PUF60: variants seen among roughly 807,000 people sequenced by gnomAD.
PUF60 encodes poly(U)-binding-splicing factor PUF60.
A neutral mutation model predicts 61.8 loss-of-function variants in PUF60; 10 were observed. The observed-to-expected ratio is 0.16, with a 90% CI of 0.10 to 0.27. The LOEUF (loss-of-function observed/expected upper bound fraction) is 0.27. Ranked by LOEUF, PUF60 falls within the 10% of genes least tolerant of loss-of-function variation. PUF60 has a pLI of 1.00. For missense variants in PUF60, 371 were observed against 754.0 expected (o/e 0.49, Z 5.95); for synonymous variants, 353 against 300.9 (o/e 1.17, Z -1.79).
rs548774367 is a variant in PUF60 at position 143,818,987 on chromosome 8, A to G, written c.349-453T>C. 4.6e-5 allele frequency: 8 copies of G among 173,668 alleles called. No homozygotes were observed. In the South Asian group the frequency reaches 1.2e-3, roughly 26 times the overall value. 10.8% of individuals were successfully genotyped at this position (173,668 alleles called of 1,614,324 possible). On this transcript the variant is annotated intron_variant, in intron 5 of 11. Coordinates refer to ENST00000526683, the MANE Select transcript of PUF60 (RefSeq NM_078480.3). The surrounding 1 kb of genome is among the most constrained non-coding windows in gnomAD (Gnocchi z 7.9). The stretch of plus-strand genomic sequence containing the variant: ...TTTGGTGGCCAGAAGAGAGGAGGTC[A>G]GAAGACAGGGCAGCCACTGCCCAGA...
chr8:143,827,144 G>A (rs891126290), intron 1 of PUF60: 2 of 317,384 alleles, frequency 6.3e-6, no homozygotes, highest in Non-Finnish European at 1.2e-5. Flanking sequence ...CAAAATCAAA[G>A]ATGACTTCTG....
rs1438115492 is a variant in PUF60 at position 143,816,510 on chromosome 8, G to C, written c.*10C>G. 1 of 1,598,950 alleles carries C rather than the reference G, an allele frequency of 6.3e-7. No individual in the cohort carries two copies. The highest frequency in any genetic ancestry group is 2.2e-5 in the East Asian group (1 of 44,732). The stretch of plus-strand genomic sequence containing the variant: ...AGGAACAAGTGCAAGTCCGGGGAGA[G>C]GGACCACTGTCACGCAGAGAGGTCA... On this transcript the variant is annotated 3_prime_UTR_variant, in exon 12 of 12. Transcript: ENST00000526683.
In PUF60 at chr8:143,824,417, A is replaced by G. The variant is rs761792757; in HGVS notation, c.25-18T>C. 2 of 1,609,476 alleles carry G rather than the reference A, an allele frequency of 1.2e-6. No homozygotes were observed. Among genetic ancestry groups the G allele is most frequent in the Non-Finnish European group, 1.7e-6 (2 of 1,179,310 alleles). On this transcript the variant is annotated intron_variant, in intron 1 of 11. Coordinates refer to ENST00000526683, the MANE Select transcript of PUF60 (RefSeq NM_078480.3). ...TTGACCTGCTGCAGGCAGGAAGGAG[A>G]TGTTGTAACGACAGGCACACCACCC... is the stretch of plus-strand genomic sequence containing the variant.
intron 5 of PUF60, chr8:143,820,376 A>G (rs1816878690): frequency 3.8e-6 from 2 of 521,002 alleles, no homozygotes; most frequent in Non-Finnish European, 6.9e-6. Context: ...GCGTGGGCGC[A>G]GACGGGCCTG....
chr8:143,822,759 G>C, intron 2 of PUF60: 1 of 354,300 alleles, frequency 2.8e-6, no homozygotes, highest in Non-Finnish European at 5.7e-6. Context: ...ACGCAGCTGT[G>C]TGAGCAGGGA....
At position 143,818,691 on chromosome 8, in the gene PUF60, G is replaced by A. The variant is rs1816666611; in HGVS notation, c.349-157C>T. On this transcript the variant is annotated intron_variant, in intron 5 of 11. Coordinates refer to ENST00000526683, the MANE Select transcript of PUF60 (RefSeq NM_078480.3). The surrounding 1 kb of genome is among the most constrained non-coding windows in gnomAD (Gnocchi z 7.9). ...GGCTCCATCCCTGCAGTCATAGTGT[G>A]GGGGTCGCAGGACCCCGCCACCCAA... The A allele has an allele frequency of 1.3e-6, 1 of 791,550 alleles. No homozygotes were observed. The allele number at this position is 791,550 out of a possible 1,614,324, so 49.0% of individuals were successfully genotyped here.
intron 4 of PUF60, chr8:143,821,273 G>A (rs1044102387): frequency 1.6e-4 from 83 of 519,328 alleles, no homozygotes; most frequent in Non-Finnish European, 2.6e-4. Flanking sequence ...TGCCACCATC[G>A]GCTGTGCACA....
rs370613620 is a variant in PUF60, at chr8:143,818,064, G to T, written c.615C>A (p.Pro205=). 1.2e-6 allele frequency: 2 copies of T among 1,612,252 alleles called. No individual in the cohort carries two copies. Among genetic ancestry groups the T allele is most frequent in the African/African-American group, 2.7e-5 (2 of 74,920 alleles). The change falls in exon 8 of 12, where the codon CCC becomes CCA. Residue 205 remains proline (P), a synonymous_variant. Transcript: ENST00000526683. This position sits in a 1 kb window ranked among gnomAD's most constrained non-coding sequence, Gnocchi z 7.9. ...LGGRNIKVGR[P]SNIGQAQPII... ...TGGGCTGGGCCTGCCCTATGTTGCT[G>T]GGTCTGCCCACCTGGGGAAGAGGCG...
Position 143,817,284 on chromosome 8 carries a change from G to C in PUF60, c.1144+47C>G. On this transcript the variant is annotated intron_variant, in intron 10 of 11. Coordinates refer to ENST00000526683, the MANE Select transcript of PUF60 (RefSeq NM_078480.3). The surrounding 1 kb of genome is among the most constrained non-coding windows in gnomAD (Gnocchi z 7.4). ...GGCAGCTGAGGGCAGCGAGCCGAGA[G>C]ATGCCAGGACAGGAGAGGAGAGGAT... 1.3e-6 allele frequency: 2 copies of C among 1,562,334 alleles called. No homozygotes were observed. The highest frequency in any genetic ancestry group is 1.7e-6 in the Non-Finnish European group (2 of 1,157,150).
chr8:143,827,024 C>G (rs1817708547), intron 1 of PUF60: 1 of 282,432 alleles, frequency 3.5e-6, no homozygotes, highest in Non-Finnish European at 6.9e-6. Flanking sequence ...ATGAACACTG[C>G]TTACTGCGTG....
In PUF60 at chr8:143,817,764, G is replaced by A; in HGVS notation, c.836C>T (p.Ser279Leu). 6.2e-7 allele frequency: 1 copy of A among 1,611,666 alleles called. No individual in the cohort carries two copies. Among genetic ancestry groups the A allele is most frequent in the Non-Finnish European group, 8.5e-7 (1 of 1,179,418 alleles). The change falls in exon 9 of 12, where the codon TCG becomes TTG. Residue 279 changes from serine (S) to leucine (L), a missense_variant. Ser to Leu is a moderately radical substitution (Grantham distance 145). This residue lies in a region of PUF60 where 24 missense variants were observed against 35.0 expected (regional missense o/e 0.68). Transcript: ENST00000526683. This position sits in a 1 kb window ranked among gnomAD's most constrained non-coding sequence, Gnocchi z 7.4. ...CATGGAAGACACAGCATCTTGGGACGACTGGGCCTTCTCGTACTCTGTGGG... is the reference window on the plus strand; with the variant it reads ...CATGGAAGACACAGCATCTTGGGACAACTGGGCCTTCTCGTACTCTGTGGG... ...YGFIEYEKAQ[S>L]SQDAVSSMNL...
In PUF60 at chr8:143,816,733, C is replaced by T. The variant is rs1816337683; in HGVS notation, c.1467G>A (p.Lys489=). Residue 489 remains lysine, a synonymous_variant, in exon 12 of 12, where the codon AAG becomes AAA. Transcript: ENST00000526683. ...TGATGACGCGGTTCACGGCCCCGAA[C>T]TTGCCACACTCCTCTGTCACCTCCC... ...LEGEVTEECG[K]FGAVNRVIIY... 2 of 1,613,820 alleles carry T rather than the reference C, an allele frequency of 1.2e-6. No individual in the cohort carries two copies. Among genetic ancestry groups the T allele is most frequent in the South Asian group, 2.2e-5 (2 of 91,092 alleles).
At chr8:143,827,503 A>G (rs1223932902) in intron 1 of PUF60, 1 of 455,210 alleles carries the variant, frequency 2.2e-6, no homozygotes, top group Non-Finnish European at 4.4e-6. Flanking sequence ...ACTGTCAGCC[A>G]AGTTCAGCTG....
At chr8:143,827,537 C>A (rs868123844) in intron 1 of PUF60, 11 of 443,756 alleles carry the variant, frequency 2.5e-5, no homozygotes, top group African/African-American at 2.2e-4. Flanking sequence ...CCCATGAGAG[C>A]TGAAGCAGCA....
intron 1 of PUF60, among the ~76,000 whole-genome samples, chr8:143,828,555 G>C (rs1013123196): frequency 1.3e-5 from 2 of 152,202 alleles, no homozygotes; most frequent in African/African-American, 4.8e-5. Flanking sequence ...TCCTCTGGAT[G>C]CCCACGCAGC....
intron 2 of PUF60, 67 bp downstream of exon 2, chr8:143,824,246 A>ACAGGCAGGCGGGCGGGCGGG: frequency 6.1e-6 from 9 of 1,470,574 alleles, no homozygotes; most frequent in Non-Finnish European, 8.3e-6. Context: ...CCAGGGACGC[A>ACAGGCAGGCGGGCGGGCGGG]CAGGCAGGCG....
rs541361660 is a variant in PUF60 at position 143,822,352 on chromosome 8, G to A, written c.112-439C>T. On this transcript the variant is annotated intron_variant, in intron 2 of 11. Transcript: ENST00000526683. The stretch of plus-strand genomic sequence containing the variant: ...GACTCCTTGCTCCCAGGCTCCTCCA[G>A]GCTTCCTCACAGTCCCTGCCACAGA... The A allele has an allele frequency of 4.0e-4, 150 of 374,860 alleles. 3 individuals carry two copies. The highest frequency in any genetic ancestry group is 2.9e-3 in the South Asian group (144 of 50,492). The allele number at this position is 374,860 out of a possible 1,614,324, so 23.2% of individuals were successfully genotyped here.
chr8:143,825,432 C>A (rs552150491), intron 1 of PUF60, among the ~76,000 whole-genome samples: 1 of 152,232 alleles, frequency 6.6e-6, no homozygotes, highest in African/African-American at 2.4e-5. Context: ...AGCTGCCCAA[C>A]TCAGCCCCAC....
At position 143,821,905 on chromosome 8, in the gene PUF60, G is replaced by A; in HGVS notation, c.120C>T (p.Asp40=). The part of the protein sequence containing the change: ...GDKWKPPQGT[D]SIKMENGQST... ...TCTGCCCGTTCTCCATCTTGATGGA[G>A]TCTGTGCCCTGGTAAGGGAGCAGGG... is the stretch of plus-strand genomic sequence containing the variant. Residue 40 remains aspartate, a synonymous_variant, in exon 3 of 12, where the codon GAC becomes GAT. Transcript: ENST00000526683. 6.2e-7 allele frequency: 1 copy of A among 1,601,808 alleles called. No individual in the cohort carries two copies. The highest frequency in any genetic ancestry group is 1.1e-5 in the South Asian group (1 of 89,712).
Sources: allele counts gnomAD v4.1 joint callset (sites outside exome capture counted in the v4.1 genomes callset), GRCh38; gene constraint gnomAD v4.1.1; regional missense constraint gnomAD v4.1.1; non-coding constraint Gnocchi (gnomAD v3.1); transcripts MANE v1.5; gene names NCBI Gene and HGNC (gene_info 2026-07-23, HGNC 2026-07-21).